SAP30BP: variants seen among roughly 807,000 people sequenced by gnomAD.
The protein encoded by SAP30BP is SAP30 binding protein, also known as SAP30-binding protein.
A neutral mutation model predicts 46.3 loss-of-function variants in SAP30BP; 31 were observed. The observed-to-expected ratio is 0.67, with a 90% CI of 0.50 to 0.90. The LOEUF (loss-of-function observed/expected upper bound fraction) is 0.90, where lower values mean the gene tolerates loss of function less well. Ranked by LOEUF, SAP30BP falls within the 40% of genes least tolerant of loss-of-function variation. SAP30BP has a pLI of 0.00. For synonymous variants in SAP30BP, 169 were observed against 144.2 expected, an observed-to-expected ratio of 1.17 and a Z score of -1.23; for missense variants, 312 against 391.0, an observed-to-expected ratio of 0.80 and a Z score of 1.70.
At chr17:75,691,751 C>T (rs771104929) in intron 3 of SAP30BP, 35 of 262,296 alleles carry the variant, frequency 1.3e-4, no homozygotes, top group Non-Finnish European at 2.4e-4. Flanking sequence ...AGCCAGCTGG[C>T]GGGTGAGGGA....
chr17:75,668,766 T>C, intron 2 of SAP30BP, 141 bp downstream of exon 2: 2 of 591,494 alleles, frequency 3.4e-6, no homozygotes, highest in Non-Finnish European at 5.9e-6. Flanking sequence ...TGGAAGAAAC[T>C]GGATTGGATA....
Position 75,706,185 on chromosome 17 carries a change from C to T in SAP30BP, c.745+93C>T. ...CGACAGACAGCACGTGGATCTGGGC[C>T]TGGGCTCAGCCTTGCTACTTTGAGA... On this transcript the variant is annotated intron_variant, in intron 10 of 10. Coordinates refer to ENST00000584667, the MANE Select transcript of SAP30BP (RefSeq NM_013260.8). The surrounding 1 kb of genome is among the most constrained non-coding windows in gnomAD (Gnocchi z 4.6). 6.4e-7 allele frequency: 1 copy of T among 1,560,000 alleles called. No individual in the cohort carries two copies. Among genetic ancestry groups the T allele is most frequent in the African/African-American group, 1.3e-5 (1 of 74,102 alleles).
At chr17:75,693,549 T>C (rs2060270562) in intron 4 of SAP30BP, 67 bp downstream of exon 4, 1 of 1,430,646 alleles carries the variant, frequency 7.0e-7, no homozygotes, top group African/African-American at 1.4e-5. Context: ...CTTCCAGCCA[T>C]GCCAGGCCTG....
chr17:75,703,399 T>C (rs963611697), intron 7 of SAP30BP, 28 bp downstream of exon 7: 7 of 1,605,592 alleles, frequency 4.4e-6, no homozygotes, highest in African/African-American at 2.7e-5. Flanking sequence ...GGCTGGAGGG[T>C]GATGGGGACA....
At chr17:75,667,893 C>G (rs1050500649) in intron 1 of SAP30BP, among the ~76,000 whole-genome samples, 5 of 152,200 alleles carry the variant, frequency 3.3e-5, no homozygotes, top group African/African-American at 4.8e-5. Context: ...CATCTTGGAG[C>G]TTTTAAAAAC....
intron 3 of SAP30BP, among the ~76,000 whole-genome samples, chr17:75,677,328 C>T (rs1479848454): frequency 6.6e-6 from 1 of 151,798 alleles, no homozygotes; most frequent in Non-Finnish European, 1.5e-5. Flanking sequence ...TGGTCTCGAA[C>T]TCCTGACCTT....
At chr17:75,674,822 C>T (rs1480475098) in intron 3 of SAP30BP, among the ~76,000 whole-genome samples, 1 of 149,024 alleles carries the variant, frequency 6.7e-6, no homozygotes, top group African/African-American at 2.5e-5. Context: ...CCACCTCAGC[C>T]TCCCAAACAG....
At chr17:75,692,128 G>A in intron 3 of SAP30BP, 2 of 709,544 alleles carry the variant, frequency 2.8e-6, no homozygotes, top group Non-Finnish European at 1.7e-6. Context: ...TGCCCTGCCA[G>A]GTTGAATGAA....
intron 3 of SAP30BP, among the ~76,000 whole-genome samples, chr17:75,680,285 A>G (rs958712636): frequency 2.6e-5 from 4 of 152,170 alleles, no homozygotes; most frequent in Non-Finnish European, 4.4e-5. Flanking sequence ...GTTGGGGGGA[A>G]TTGTTCTGGC....
chr17:75,670,335 A>AG (rs2059890212), intron 2 of SAP30BP, among the ~76,000 whole-genome samples: 1 of 152,154 alleles, frequency 6.6e-6, no homozygotes, highest in East Asian at 1.9e-4. Flanking sequence ...AAAAAAAAAA[A>AG]TTATTTCCAC....
chr17:75,679,198 A>G (rs1172911788), intron 3 of SAP30BP, among the ~76,000 whole-genome samples: 10 of 151,928 alleles, frequency 6.6e-5, no homozygotes, highest in African/African-American at 2.4e-4. Context: ...GGGTTTCACC[A>G]TGTTAGCCAG....
chr17:75,675,839 C>T (rs1409079860), intron 3 of SAP30BP, among the ~76,000 whole-genome samples: 1 of 152,162 alleles, frequency 6.6e-6, no homozygotes, highest in African/African-American at 2.4e-5. Context: ...ATCACTTGAG[C>T]CTGGGAGGTA....
At chr17:75,705,527 GCAAGGGGA>G in intron 9 of SAP30BP, 1 of 734,330 alleles carries the variant, frequency 1.4e-6, no homozygotes, top group South Asian at 5.4e-5. Flanking sequence ...GGGAGCTGGT[GCAAGGGGA>G]TAGTTGGGGT....
At chr17:75,676,902 A>G (rs2059999049) in intron 3 of SAP30BP, among the ~76,000 whole-genome samples, 1 of 152,178 alleles carries the variant, frequency 6.6e-6, no homozygotes, top group Admixed American at 6.5e-5. Flanking sequence ...GGTTCAAGGC[A>G]TCTACTGGGA....
rs1435783193 is a variant in SAP30BP at position 75,705,991 on chromosome 17, T to C, written c.661-17T>C. On this transcript the variant is annotated splice_polypyrimidine_tract_variant and intron_variant, in intron 9 of 10. Transcript: ENST00000584667. Reference sequence around the variant, plus strand: ...CCAGCTTTGCCTGGTCTTATTCTCTTCCCTCTCCCTCTCCAGATTGAGTTT... The same window carrying C: ...CCAGCTTTGCCTGGTCTTATTCTCTCCCCTCTCCCTCTCCAGATTGAGTTT... 2.5e-6 allele frequency: 4 copies of C among 1,611,902 alleles called. No individual in the cohort carries two copies. The South Asian group carries it at 4.4e-5, about 18-fold the overall frequency.
Position 75,668,513 on chromosome 17 carries a change from C to T in SAP30BP, c.107-3C>T. 2.6e-6 allele frequency: 4 copies of T among 1,510,698 alleles called. No individual in the cohort carries two copies. The highest frequency in any genetic ancestry group is 3.6e-6 in the Non-Finnish European group (4 of 1,121,766). The allele number at this position is 1,510,698 out of a possible 1,614,324, so 93.6% of individuals were successfully genotyped here. A position where few individuals can be genotyped will look rare whatever the true frequency, so the allele number is the denominator to read the frequency against. Reference sequence around the variant, plus strand: ...TTTGTTTGTTTGTTTTTTAACCTTTCAGAGGAGAAAGGCGGATTGGTATCT... The same window carrying T: ...TTTGTTTGTTTGTTTTTTAACCTTTTAGAGGAGAAAGGCGGATTGGTATCT... On this transcript the variant is annotated splice_polypyrimidine_tract_variant and splice_region_variant and intron_variant, in intron 1 of 10. Coordinates refer to ENST00000584667, the MANE Select transcript of SAP30BP (RefSeq NM_013260.8).
intron 3 of SAP30BP, among the ~76,000 whole-genome samples, chr17:75,673,804 C>G (rs897665643): frequency 2.6e-5 from 4 of 152,170 alleles, no homozygotes; most frequent in Non-Finnish European, 5.9e-5. Context: ...TGTGGAAATG[C>G]CTTTTGTGCT....
intron 3 of SAP30BP, among the ~76,000 whole-genome samples, chr17:75,685,169 C>A (rs1389819985): frequency 6.6e-6 from 1 of 152,198 alleles, no homozygotes; most frequent in African/African-American, 2.4e-5. Context: ...AACATACCTC[C>A]TTCCCTTCGG....
intron 1 of SAP30BP, among the ~76,000 whole-genome samples, chr17:75,667,855 A>G (rs2059823940): frequency 6.6e-6 from 1 of 152,192 alleles, no homozygotes; most frequent in South Asian, 2.1e-4. Context: ...TAACTTTATA[A>G]CTTTTAGTTA....
Sources: gnomAD v4.1 joint callset for allele counts (sites outside exome capture counted in the v4.1 genomes callset) on GRCh38, gnomAD v4.1.1 for gene constraint, Gnocchi (gnomAD v3.1) non-coding constraint, MANE v1.5 for transcripts, NCBI Gene and HGNC (gene_info 2026-07-23, HGNC 2026-07-21) for gene names.